Variants in MACROD1 observed in about 807,000 individuals in gnomAD.
MACROD1 encodes the protein mono-ADP ribosylhydrolase 1, also known as ADP-ribose glycohydrolase MACROD1.
MACROD1 carries 31 observed loss-of-function variants against 41.4 expected under a neutral mutation model. That is an observed-to-expected ratio of 0.75 (90% CI 0.56 to 1.01). MACROD1 has a LOEUF of 1.01. MACROD1 is among the 50% of genes least tolerant of loss of function. The pLI, the probability that MACROD1 is intolerant of heterozygous loss-of-function variation, is 0.00. For synonymous variants in MACROD1, 252 were observed against 203.4 expected (o/e 1.24, Z -2.03); for missense variants, 473 against 460.0 (o/e 1.03, Z -0.26).
Position 63,998,622 on chromosome 11 carries a change from A to G in MACROD1, c.*96T>C, listed in dbSNP as rs186205939. ...GCGCGGAGGGAAAGAAGGGGTGGCC[A>G]GGCCCAGGCCAGGCTGCAGGCTTTG... On this transcript the variant is annotated 3_prime_UTR_variant, in exon 11 of 11. Coordinates refer to ENST00000255681, the MANE Select transcript of MACROD1 (RefSeq NM_014067.4). The G allele has an allele frequency of 1.4e-3, 1,846 of 1,284,260 alleles. 37 individuals carry two copies. In the East Asian group the frequency reaches 0.042, roughly 29 times the overall value. 79.6% of individuals were successfully genotyped at this position (1,284,260 alleles called of 1,614,324 possible). A position where few individuals can be genotyped will look rare whatever the true frequency, so the allele number is the denominator to read the frequency against.
chr11:64,163,104 G>A (rs1190733219), intron 1 of MACROD1, among the ~76,000 whole-genome samples: 1 of 149,280 alleles, frequency 6.7e-6, no homozygotes, highest in Non-Finnish European at 1.5e-5. Context: ...CTGGGCAACA[G>A]AATAAGTCTT....
At chr11:64,000,830 C>T (rs900831998) in intron 4 of MACROD1, among the ~76,000 whole-genome samples, 6 of 152,190 alleles carry the variant, frequency 3.9e-5, no homozygotes, top group African/African-American at 7.2e-5. Flanking sequence ...CCAGGCGGCG[C>T]CCCATCACGG....
chr11:64,060,161 A>ACTT (rs1943871670), intron 3 of MACROD1, among the ~76,000 whole-genome samples: 1 of 152,270 alleles, frequency 6.6e-6, no homozygotes, highest in South Asian at 2.1e-4. Context: ...TGAATATTTA[A>ACTT]GGCGCGGACG....
At chr11:64,026,909 C>A (rs1341400890) in intron 3 of MACROD1, among the ~76,000 whole-genome samples, 1 of 152,206 alleles carries the variant, frequency 6.6e-6, no homozygotes. Context: ...AGTTAAAAGG[C>A]CTTCTGCCCC....
intron 3 of MACROD1, among the ~76,000 whole-genome samples, chr11:64,074,591 G>A (rs989835100): frequency 1.3e-5 from 2 of 152,188 alleles, no homozygotes; most frequent in African/African-American, 2.4e-5. Context: ...CAGGCCCTCC[G>A]TGGCAGCCCT....
At chr11:64,002,167 G>A (rs2134320602) in intron 4 of MACROD1, among the ~76,000 whole-genome samples, 1 of 152,238 alleles carries the variant, frequency 6.6e-6, no homozygotes, top group Admixed American at 6.5e-5. Flanking sequence ...GTGTGGGGGT[G>A]AGCCCAGGGA....
rs1219689123 is a variant in MACROD1 at position 64,120,542 on chromosome 11, C to T, written c.517+30697G>A. ...TCTCTCTAAAAATGCAAAAATTAGCCAGGCATGGTGGCAGGCGCCTGTTAC... is the reference window on the plus strand; with the variant it reads ...TCTCTCTAAAAATGCAAAAATTAGCTAGGCATGGTGGCAGGCGCCTGTTAC... On this transcript the variant is annotated intron_variant, in intron 3 of 10. Coordinates refer to ENST00000255681, the MANE Select transcript of MACROD1 (RefSeq NM_014067.4). The surrounding 1 kb of genome is among the most constrained non-coding windows in gnomAD (Gnocchi z 4.5). Among the ~76,000 whole-genome samples the T allele has an allele frequency of 6.6e-6, 1 of 152,118 alleles. No homozygotes were observed. The highest frequency in any genetic ancestry group is 1.5e-5 in the Non-Finnish European group (1 of 68,014).
chr11:64,117,959 C>A (rs140790562), intron 3 of MACROD1: 199 of 1,613,636 alleles, frequency 1.2e-4, no homozygotes, highest in Non-Finnish European at 1.6e-4. Flanking sequence ...TGGCTCTGGT[C>A]TTCCTCTTCC....
chr11:64,149,371 A>G (rs1945541871), intron 3 of MACROD1, among the ~76,000 whole-genome samples: 1 of 152,170 alleles, frequency 6.6e-6, no homozygotes, highest in South Asian at 2.1e-4. Flanking sequence ...AGGGGAGTCC[A>G]CAGAGAAACT....
At chr11:64,070,530 G>A (rs1260197013) in intron 3 of MACROD1, among the ~76,000 whole-genome samples, 1 of 152,214 alleles carries the variant, frequency 6.6e-6, no homozygotes, top group Admixed American at 6.5e-5. Context: ...GGCTGCCCGA[G>A]AGCAGAGCTC....
At chr11:64,150,422 C>T (rs1945557790) in intron 3 of MACROD1, among the ~76,000 whole-genome samples, 1 of 152,168 alleles carries the variant, frequency 6.6e-6, no homozygotes, top group Non-Finnish European at 1.5e-5. Context: ...AGCTGGAGCC[C>T]AAGACGAGAG....
chr11:64,128,936 T>C (rs895604991), intron 3 of MACROD1, among the ~76,000 whole-genome samples: 26 of 152,224 alleles, frequency 1.7e-4, no homozygotes, highest in African/African-American at 6.3e-4. Context: ...CATGGATCCA[T>C]GTGAGTACAA....
At chr11:64,028,232 C>G (rs926252104) in intron 3 of MACROD1, among the ~76,000 whole-genome samples, 3 of 152,244 alleles carry the variant, frequency 2.0e-5, no homozygotes, top group Non-Finnish European at 2.9e-5. Flanking sequence ...CTGTCCCCAG[C>G]GCCAGGGCCT....
At chr11:64,138,495 C>G (rs1945362347) in intron 3 of MACROD1, 1 of 983,888 alleles carries the variant, frequency 1.0e-6, no homozygotes, top group African/African-American at 1.7e-5. Flanking sequence ...AGCAAGGTAG[C>G]TCTTGCTTTT....
At chr11:64,039,483 C>A (rs113060690) in intron 3 of MACROD1, among the ~76,000 whole-genome samples, 53 of 152,298 alleles carry the variant, frequency 3.5e-4, no homozygotes, top group Admixed American at 1.8e-3. Flanking sequence ...TCTGGCTGGC[C>A]CACGAGGCAG....
intron 3 of MACROD1, among the ~76,000 whole-genome samples, chr11:64,072,274 C>T (rs1032971041): frequency 4.6e-5 from 7 of 152,074 alleles, no homozygotes; most frequent in Non-Finnish European, 8.8e-5. Flanking sequence ...GGGGTGATGC[C>T]GGCCCTGGAG....
At chr11:64,118,128 A>G (rs1377124585) in intron 3 of MACROD1, 1 of 1,613,294 alleles carries the variant, frequency 6.2e-7, no homozygotes, top group Non-Finnish European at 8.5e-7. Context: ...TGGGCTGCAG[A>G]TGCTGCCCAT....
intron 3 of MACROD1, among the ~76,000 whole-genome samples, chr11:64,075,277 C>T (rs969020762): frequency 6.6e-6 from 1 of 152,272 alleles, no homozygotes. Flanking sequence ...ACCTGCCTGG[C>T]TGGCCCTTGG....
Position 64,096,440 on chromosome 11 carries a change from TCTCGCTGTG to T in MACROD1, c.517+54790_517+54798del, listed in dbSNP as rs1478662750. ...CCTCTTTTTTTTTTTTGAGACTGAG[TCTCGCTGTG>T]CTGCCCAGGATGATGAAGTGCAGTG... On this transcript the variant is annotated intron_variant, in intron 3 of 10. Coordinates refer to ENST00000255681, the MANE Select transcript of MACROD1 (RefSeq NM_014067.4). The surrounding 1 kb of genome is among the most constrained non-coding windows in gnomAD (Gnocchi z 4.6). Among the ~76,000 whole-genome samples the T allele has an allele frequency of 6.6e-6, 1 of 150,784 alleles. No homozygotes were observed. Among genetic ancestry groups the T allele is most frequent in the African/African-American group, 2.4e-5 (1 of 40,930 alleles).
Sources: gnomAD v4.1 joint callset for allele counts (sites outside exome capture counted in the v4.1 genomes callset) on GRCh38, gnomAD v4.1.1 for gene constraint, Gnocchi (gnomAD v3.1) non-coding constraint, MANE v1.5 for transcripts, NCBI Gene and HGNC (gene_info 2026-07-23, HGNC 2026-07-21) for gene names.